Variants in SPAG16 observed in about 807,000 individuals in gnomAD.
SPAG16 encodes sperm associated antigen 16.
Under a neutral mutation model 80.4 loss-of-function variants are expected in SPAG16, and 86 were observed. That is an observed-to-expected ratio of 1.07 (90% confidence interval 0.90 to 1.28). SPAG16 has a LOEUF of 1.28. SPAG16 is among the 50% of genes most tolerant of loss of function. SPAG16 has a pLI of 0.00. For synonymous variants in SPAG16, 294 were observed against 265.9 expected (o/e 1.11, Z -1.03); for missense variants, 870 against 765.3 (o/e 1.14, Z -1.61).
At chr2:213,491,597 G>C (rs2074237520) in intron 10 of SPAG16, among the ~76,000 whole-genome samples, 1 of 152,192 alleles carries the variant, frequency 6.6e-6, no homozygotes, top group Middle Eastern at 3.2e-3. Context: ...TGTGATTAGA[G>C]AGCTCTGAGC....
intron 13 of SPAG16, among the ~76,000 whole-genome samples, chr2:214,037,864 GGTGTGTGTGTGT>G (rs35564156): frequency 0.2 from 26,597 of 133,662 alleles, 3,082 homozygotes; most frequent in Middle Eastern, 0.28. Flanking sequence ...CCAGAAGCCT[GGTGTGTGTGTGT>G]GTGTGTGTGT....
intron 10 of SPAG16, among the ~76,000 whole-genome samples, chr2:213,744,892 T>A (rs747848544): frequency 1.4e-4 from 22 of 152,342 alleles, no homozygotes; most frequent in Non-Finnish European, 2.5e-4. Flanking sequence ...GTAACAAAAT[T>A]CTGGCATTCA....
intron 10 of SPAG16, among the ~76,000 whole-genome samples, chr2:213,828,195 G>A (rs1016261413): frequency 2.0e-5 from 3 of 151,956 alleles, no homozygotes; most frequent in African/African-American, 7.2e-5. Context: ...TTGTAGGTGT[G>A]CTTATTCTTT....
chr2:213,374,021 A>G (rs1325189893), intron 8 of SPAG16, among the ~76,000 whole-genome samples: 2 of 152,094 alleles, frequency 1.3e-5, no homozygotes, highest in South Asian at 2.1e-4. Flanking sequence ...GTGGGACTCT[A>G]GCTTAGCACC....
intron 10 of SPAG16, among the ~76,000 whole-genome samples, chr2:213,519,196 A>G (rs1313383775): frequency 6.6e-6 from 1 of 151,550 alleles, no homozygotes; most frequent in Non-Finnish European, 1.5e-5. Flanking sequence ...AAACCAAAAA[A>G]TCATTTCTGA....
intron 10 of SPAG16, among the ~76,000 whole-genome samples, chr2:213,501,317 A>C (rs1409637246): frequency 6.6e-6 from 1 of 152,240 alleles, no homozygotes; most frequent in Non-Finnish European, 1.5e-5. Flanking sequence ...TTTAGTAATA[A>C]TATTGAACAT....
At chr2:213,604,924 A>G (rs1434124811) in intron 10 of SPAG16, among the ~76,000 whole-genome samples, 1 of 148,662 alleles carries the variant, frequency 6.7e-6, no homozygotes, top group African/African-American at 2.4e-5. Context: ...TATTTATTTT[A>G]TTTATATTAT....
At chr2:213,767,732 T>C (rs1336871325) in intron 10 of SPAG16, among the ~76,000 whole-genome samples, 1 of 151,958 alleles carries the variant, frequency 6.6e-6, no homozygotes, top group Non-Finnish European at 1.5e-5. Context: ...GCAGAAGTTT[T>C]AAGCTATTTT....
At chr2:213,529,716 A>T (rs1288979902) in intron 10 of SPAG16, among the ~76,000 whole-genome samples, 2 of 152,216 alleles carry the variant, frequency 1.3e-5, no homozygotes, top group African/African-American at 4.8e-5. Context: ...GTATAACTAA[A>T]CATAGAAAAT....
chr2:214,137,777 A>T (rs182992775), intron 14 of SPAG16, among the ~76,000 whole-genome samples: 2 of 146,486 alleles, frequency 1.4e-5, no homozygotes, highest in Admixed American at 1.4e-4. Context: ...GCACATAAAA[A>T]ATAATCCTAT....
chr2:213,661,907 C>T (rs1253826293), intron 10 of SPAG16, among the ~76,000 whole-genome samples: 2 of 152,026 alleles, frequency 1.3e-5, no homozygotes, highest in Non-Finnish European at 2.9e-5. Flanking sequence ...GTATATATAC[C>T]ATCTTTCCTC....
At chr2:213,391,876 C>T (rs951872387) in intron 9 of SPAG16, among the ~76,000 whole-genome samples, 2 of 152,238 alleles carry the variant, frequency 1.3e-5, no homozygotes, top group Admixed American at 6.5e-5. Context: ...AGATTATATA[C>T]AAATAGAAAC....
intron 6 of SPAG16, among the ~76,000 whole-genome samples, chr2:213,346,550 C>G (rs148128131): frequency 0.2 from 30,899 of 152,010 alleles, 3,910 homozygotes; most frequent in Non-Finnish European, 0.29. Context: ...TTTTGAGATA[C>G]GTCCCATCAA....
chr2:214,083,374 T>C (rs1408453843), intron 13 of SPAG16, among the ~76,000 whole-genome samples: 1 of 152,166 alleles, frequency 6.6e-6, no homozygotes, highest in African/African-American at 2.4e-5. Flanking sequence ...GTTTTTTTTT[T>C]CTTATTTACC....
At chr2:213,423,257 A>C (rs1440194564) in intron 9 of SPAG16, among the ~76,000 whole-genome samples, 1 of 152,238 alleles carries the variant, frequency 6.6e-6, no homozygotes. Flanking sequence ...TCAAGGGTAG[A>C]ATATAATATG....
chr2:214,035,349 C>G (rs1489572282), intron 13 of SPAG16, among the ~76,000 whole-genome samples: 4 of 152,208 alleles, frequency 2.6e-5, no homozygotes, highest in Non-Finnish European at 5.9e-5. Context: ...GGACCTGCCC[C>G]TTATGCCCAG....
intron 10 of SPAG16, among the ~76,000 whole-genome samples, chr2:213,561,210 A>C (rs777055340): frequency 6.6e-6 from 1 of 152,188 alleles, no homozygotes; most frequent in African/African-American, 2.4e-5. Context: ...CCCAAATTCT[A>C]TCTGATATGC....
chr2:213,416,657 T>C (rs2069273553), intron 9 of SPAG16, among the ~76,000 whole-genome samples: 1 of 152,158 alleles, frequency 6.6e-6, no homozygotes, highest in African/African-American at 2.4e-5. Flanking sequence ...GCTCTGGCAG[T>C]CGTAGGTCTT....
intron 10 of SPAG16, among the ~76,000 whole-genome samples, chr2:213,626,289 A>G (rs1000215831): frequency 1.3e-5 from 2 of 152,136 alleles, no homozygotes; most frequent in Non-Finnish European, 2.9e-5. Context: ...AGCAAAGATA[A>G]CAAGAGATGG....
Sources: allele counts gnomAD v4.1 joint callset (sites outside exome capture counted in the v4.1 genomes callset), GRCh38; gene constraint gnomAD v4.1.1; transcripts MANE v1.5; gene names NCBI Gene and HGNC (gene_info 2026-07-23, HGNC 2026-07-21).